Variants in IMPG1 observed in about 807,000 individuals in gnomAD.
IMPG1 encodes the protein interphotoreceptor matrix proteoglycan of 150 kDa.
In IMPG1, 85 loss-of-function variants were observed where a neutral mutation model predicts 92.0. The observed-to-expected ratio is 0.92, with a 90% CI of 0.78 to 1.11. The LOEUF (loss-of-function observed/expected upper bound fraction) is 1.11. Among genes scored for constraint, IMPG1 ranks in the 50% least tolerant of loss-of-function variants. The probability of loss-of-function intolerance (pLI) is 0.00; values close to 1 mark genes in which losing one functional copy is unlikely to be tolerated. For synonymous variants in IMPG1, 367 were observed against 334.1 expected (o/e 1.10, Z -1.08); for missense variants, 1,022 against 956.0 (o/e 1.07, Z -0.91).
intron 4 of IMPG1, among the ~76,000 whole-genome samples, chr6:76,030,263 T>C (rs1377758119): frequency 6.6e-6 from 1 of 152,078 alleles, no homozygotes; most frequent in African/African-American, 2.4e-5. Context: ...TGGTGGGACC[T>C]GACAAGGTCA....
chr6:76,042,968 A>AT (rs1783871296), intron 1 of IMPG1, among the ~76,000 whole-genome samples: 1 of 152,094 alleles, frequency 6.6e-6, no homozygotes, highest in Admixed American at 6.6e-5. Context: ...GAAACATATC[A>AT]TTTTTCTCAG....
chr6:75,973,152 A>G (rs867252179), intron 12 of IMPG1, among the ~76,000 whole-genome samples: 2 of 149,042 alleles, frequency 1.3e-5, no homozygotes, highest in African/African-American at 5.1e-5. Context: ...TAATTTTAAA[A>G]TTATTTTTGT....
intron 14 of IMPG1, among the ~76,000 whole-genome samples, chr6:75,942,366 T>C (rs1781847816): frequency 6.6e-6 from 1 of 152,202 alleles, no homozygotes. Context: ...GGGCCGTTCC[T>C]GTATTTGCTT....
At chr6:75,971,641 T>A (rs1169855470) in intron 12 of IMPG1, among the ~76,000 whole-genome samples, 1 of 152,112 alleles carries the variant, frequency 6.6e-6, no homozygotes, top group Non-Finnish European at 1.5e-5. Context: ...ACAAATCACA[T>A]GTAAGTGCAA....
At chr6:76,038,207 T>C (rs1256327249) in intron 2 of IMPG1, among the ~76,000 whole-genome samples, 1 of 152,212 alleles carries the variant, frequency 6.6e-6, no homozygotes, top group Admixed American at 6.5e-5. Flanking sequence ...TGCATCTTCC[T>C]AGTTCTGCTC....
At chr6:75,990,040 A>T (rs1366919404) in intron 12 of IMPG1, among the ~76,000 whole-genome samples, 1 of 152,200 alleles carries the variant, frequency 6.6e-6, no homozygotes, top group African/African-American at 2.4e-5. Context: ...ACCAATAAAC[A>T]TATGGTCATT....
chr6:75,979,071 C>T (rs1782584969), intron 12 of IMPG1, among the ~76,000 whole-genome samples: 1 of 152,180 alleles, frequency 6.6e-6, no homozygotes, highest in South Asian at 2.1e-4. Context: ...TGCCACCATA[C>T]CTACCTATTT....
intron 12 of IMPG1, among the ~76,000 whole-genome samples, chr6:75,997,698 G>A (rs554666767): frequency 6.6e-6 from 1 of 152,238 alleles, no homozygotes; most frequent in East Asian, 1.9e-4. Flanking sequence ...GGCCCAACAA[G>A]GTCGACAGCA....
At chr6:76,038,980 T>A (rs1394639996) in intron 2 of IMPG1, among the ~76,000 whole-genome samples, 1 of 152,094 alleles carries the variant, frequency 6.6e-6, no homozygotes, top group Non-Finnish European at 1.5e-5. Context: ...CATTAGAGGG[T>A]GAAATAACAC....
At chr6:75,974,947 T>C (rs911420391) in intron 12 of IMPG1, among the ~76,000 whole-genome samples, 1 of 152,236 alleles carries the variant, frequency 6.6e-6, no homozygotes, top group African/African-American at 2.4e-5. Context: ...TATCAGTAAG[T>C]GAAAGAAATG....
At chr6:76,072,341 G>T in intron 1 of IMPG1, 81 bp downstream of exon 1, 1 of 734,578 alleles carries the variant, frequency 1.4e-6, no homozygotes, top group Non-Finnish European at 2.3e-6. Flanking sequence ...TCAATTGGTA[G>T]CCTTGTTGGT....
chr6:76,027,835 T>G (rs1582115192), intron 4 of IMPG1, among the ~76,000 whole-genome samples: 1 of 152,144 alleles, frequency 6.6e-6, no homozygotes, highest in East Asian at 1.9e-4. Context: ...AATAAATAAT[T>G]TATGGCTATC....
chr6:76,040,577 A>T (rs1783818090), intron 2 of IMPG1, among the ~76,000 whole-genome samples: 1 of 152,178 alleles, frequency 6.6e-6, no homozygotes, highest in Admixed American at 6.5e-5. Flanking sequence ...TGCTCTGTGG[A>T]GATGCCCTTC....
chr6:75,943,299 G>T (rs1781864503), intron 14 of IMPG1, among the ~76,000 whole-genome samples: 1 of 152,092 alleles, frequency 6.6e-6, no homozygotes, highest in African/African-American at 2.4e-5. Flanking sequence ...GGAAGTGTGG[G>T]CCTAATGGGA....
chr6:76,063,164 A>G (rs1442296933), intron 1 of IMPG1, among the ~76,000 whole-genome samples: 2 of 152,108 alleles, frequency 1.3e-5, no homozygotes, highest in African/African-American at 4.8e-5. Flanking sequence ...AGACGGTGCC[A>G]CTGCATTCCA....
intron 5 of IMPG1, among the ~76,000 whole-genome samples, chr6:76,023,893 C>T (rs1375066901): frequency 6.6e-6 from 1 of 152,088 alleles, no homozygotes; most frequent in African/African-American, 2.4e-5. Context: ...AATTTCAATT[C>T]TCTTATTAAT....
At chr6:76,020,269 T>G (rs1783395657) in intron 6 of IMPG1, among the ~76,000 whole-genome samples, 1 of 152,234 alleles carries the variant, frequency 6.6e-6, no homozygotes, top group South Asian at 2.1e-4. Context: ...CCTAGGCTGA[T>G]CTTGAGCTCC....
intron 14 of IMPG1, among the ~76,000 whole-genome samples, chr6:75,934,378 G>A (rs1221296393): frequency 1.3e-5 from 2 of 152,216 alleles, no homozygotes; most frequent in African/African-American, 4.8e-5. Flanking sequence ...GATTTCCAGT[G>A]TAAGGGCATC....
intron 4 of IMPG1, among the ~76,000 whole-genome samples, chr6:76,029,281 A>C (rs1783611485): frequency 6.6e-6 from 1 of 152,256 alleles, no homozygotes; most frequent in Non-Finnish European, 1.5e-5. Context: ...CAGCATTAAA[A>C]GGTCTCACCT....
Sources: allele counts gnomAD v4.1 joint callset (sites outside exome capture counted in the v4.1 genomes callset), GRCh38; gene constraint gnomAD v4.1.1; transcripts MANE v1.5; gene names NCBI Gene and HGNC (gene_info 2026-07-23, HGNC 2026-07-21).